GABBR1: variants seen among roughly 807,000 people sequenced by gnomAD.
The protein encoded by GABBR1 is GABA-B receptor, R1 subunit.
A neutral mutation model predicts 117.7 loss-of-function variants in GABBR1; 35 were observed. The ratio of observed to expected loss-of-function variants is 0.30; its 90% CI spans 0.23 to 0.39. The LOEUF (loss-of-function observed/expected upper bound fraction) is 0.39. Ranked by LOEUF, GABBR1 falls within the 10% of genes least tolerant of loss-of-function variation. The probability of loss-of-function intolerance (pLI) is 1.00; values close to 1 mark genes in which losing one functional copy is unlikely to be tolerated. For synonymous variants in GABBR1, 442 were observed against 486.6 expected, an observed-to-expected ratio of 0.91 and a Z score of 1.21; for missense variants, 709 against 1,241.8, an observed-to-expected ratio of 0.57 and a Z score of 6.45.
At chr6:29,628,282 GACGGGGCGTGCCAGGAGGGCGGGGT>G in intron 5 of GABBR1, 1 of 309,690 alleles carries the variant, frequency 3.2e-6, no homozygotes, top group Non-Finnish European at 4.7e-6. Flanking sequence ...GAGAAATGGG[GACGGGGCGTGCCAGGAGGGCGGGGT>G]GGGCGGAGGG....
intron 11 of GABBR1, among the ~76,000 whole-genome samples, chr6:29,614,989 A>AG (rs1252300106): frequency 7.4e-6 from 1 of 135,242 alleles, no homozygotes; most frequent in African/African-American, 2.6e-5. Flanking sequence ...CTCAAAAAAA[A>AG]AAAAAAAAAA....
Position 29,623,814 on chromosome 6 carries a change from C to G in GABBR1, c.792+76G>C. ...CTCCACACTCCTTTTCAATACAAAC[C>G]CACAATCGCCATCGTCCCTTCAGTA... On this transcript the variant is annotated intron_variant, in intron 7 of 22. Coordinates refer to ENST00000377034, the MANE Select transcript of GABBR1 (RefSeq NM_001470.4). This position sits in a 1 kb window ranked among gnomAD's most constrained non-coding sequence, Gnocchi z 6.2. 6.6e-7 allele frequency: 1 copy of G among 1,513,100 alleles called. No individual in the cohort carries two copies. Among genetic ancestry groups the G allele is most frequent in the East Asian group, 2.3e-5 (1 of 43,986 alleles). The allele number at this position is 1,513,100 out of a possible 1,614,324, so 93.7% of individuals were successfully genotyped here. A position where few individuals can be genotyped will look rare whatever the true frequency, so the allele number is the denominator to read the frequency against.
rs1315224410 is a variant in GABBR1, at chr6:29,627,822, G to C, written c.497-176C>G. On this transcript the variant is annotated intron_variant, in intron 5 of 22. Coordinates refer to ENST00000377034, the MANE Select transcript of GABBR1 (RefSeq NM_001470.4). The surrounding 1 kb of genome is among the most constrained non-coding windows in gnomAD (Gnocchi z 4.4). ...GGGGGGCAGGGGTAGCTGTTGGGGA[G>C]CGTTAGGAGCTCAGGGGGGACACTT... is the stretch of plus-strand genomic sequence containing the variant. 1 of 1,421,766 alleles carries C rather than the reference G, an allele frequency of 7.0e-7. No homozygotes were observed. The highest frequency in any genetic ancestry group is 9.2e-7 in the Non-Finnish European group (1 of 1,090,646). The allele number at this position is 1,421,766 out of a possible 1,614,324, so 88.1% of individuals were successfully genotyped here. A position where few individuals can be genotyped will look rare whatever the true frequency, so the allele number is the denominator to read the frequency against.
chr6:29,626,325 C>T (rs1764268253), intron 6 of GABBR1, among the ~76,000 whole-genome samples: 1 of 152,114 alleles, frequency 6.6e-6, no homozygotes, highest in Admixed American at 6.5e-5. Flanking sequence ...TGGATCACCC[C>T]AAGGTTGATA....
chr6:29,608,108 C>T (rs1762143999), intron 16 of GABBR1, among the ~76,000 whole-genome samples: 1 of 152,212 alleles, frequency 6.6e-6, no homozygotes, highest in Non-Finnish European at 1.5e-5. Context: ...TGGCCTCTCC[C>T]CACAGCACTA....
rs566175816 is a variant in GABBR1, at chr6:29,627,134, C to A, written c.657+352G>T. Among the ~76,000 whole-genome samples the A allele has an allele frequency of 2.6e-5, 4 of 152,308 alleles. No individual in the cohort carries two copies. The South Asian group carries it at 8.3e-4, about 32-fold the overall frequency. ...CCTCTGACATTCCCTCCACCCCCAA[C>A]CCATTCCAGGGTTAGTTTACTCCCT... is the stretch of plus-strand genomic sequence containing the variant. On this transcript the variant is annotated intron_variant, in intron 6 of 22. Transcript: ENST00000377034. This position sits in a 1 kb window ranked among gnomAD's most constrained non-coding sequence, Gnocchi z 4.4.
In GABBR1 at chr6:29,627,873, T is replaced by G; in HGVS notation, c.497-227A>C. On this transcript the variant is annotated intron_variant, in intron 5 of 22. Transcript: ENST00000377034. The surrounding 1 kb of genome is among the most constrained non-coding windows in gnomAD (Gnocchi z 4.4). ...TTCCTGGGGAGGGCTGCTAAGAGGG[T>G]GCCGGGGAGGCGCCTCCATCCCTGA... 1 of 1,363,750 alleles carries G rather than the reference T, an allele frequency of 7.3e-7. No individual in the cohort carries two copies. The highest frequency in any genetic ancestry group is 9.4e-7 in the Non-Finnish European group (1 of 1,066,376). The allele number at this position is 1,363,750 out of a possible 1,614,324, so 84.5% of individuals were successfully genotyped here.
intron 11 of GABBR1, among the ~76,000 whole-genome samples, chr6:29,617,588 C>T (rs1437941350): frequency 6.6e-6 from 1 of 152,178 alleles, no homozygotes; most frequent in Non-Finnish European, 1.5e-5. Context: ...GCGTGAGCCA[C>T]CGCGCCCAGC....
intron 11 of GABBR1, among the ~76,000 whole-genome samples, chr6:29,617,049 T>C (rs940344196): frequency 1.3e-5 from 2 of 151,058 alleles, no homozygotes; most frequent in Admixed American, 1.3e-4. Context: ...ATTCTAATCA[T>C]TTTACCTGCT....
At position 29,623,085 on chromosome 6, in the gene GABBR1, AG is replaced by A. The variant is rs1449072635; in HGVS notation, c.963+219del. Among the ~76,000 whole-genome samples, 1 of 152,140 alleles carries A rather than the reference AG, an allele frequency of 6.6e-6. No homozygotes were observed. Among genetic ancestry groups the A allele is most frequent in the Non-Finnish European group, 1.5e-5 (1 of 68,016 alleles). On this transcript the variant is annotated intron_variant, in intron 8 of 22. Coordinates refer to ENST00000377034, the MANE Select transcript of GABBR1 (RefSeq NM_001470.4). This position sits in a 1 kb window ranked among gnomAD's most constrained non-coding sequence, Gnocchi z 6.2. ...ATGTCTGGGGAACAGGGCATCAAACAGGGGAAAAAAATCATAAAATCATAAA... is the reference window on the plus strand; with the variant it reads ...ATGTCTGGGGAACAGGGCATCAAACAGGGAAAAAAATCATAAAATCATAAA...
chr6:29,605,251 T>C lies in GABBR1; in HGVS notation c.2440-263A>G. The C allele has an allele frequency of 1.8e-6, 1 of 554,742 alleles. No homozygotes were observed. The highest frequency in any genetic ancestry group is 3.1e-6 in the Non-Finnish European group (1 of 319,248). 34.4% of individuals were successfully genotyped at this position (554,742 alleles called of 1,614,324 possible). A position where few individuals can be genotyped will look rare whatever the true frequency, so the allele number is the denominator to read the frequency against. On this transcript the variant is annotated intron_variant, in intron 20 of 22. Coordinates refer to ENST00000377034, the MANE Select transcript of GABBR1 (RefSeq NM_001470.4). This position sits in a 1 kb window ranked among gnomAD's most constrained non-coding sequence, Gnocchi z 4.2. ...TGCACAGATTCCGGGTCCTCCAGAG[T>C]CGGTCCCTGGCAGGAAATGTCAATA...
Position 29,623,774 on chromosome 6 carries a change from T to G in GABBR1, c.792+116A>C. On this transcript the variant is annotated intron_variant, in intron 7 of 22. Coordinates refer to ENST00000377034, the MANE Select transcript of GABBR1 (RefSeq NM_001470.4). This position sits in a 1 kb window ranked among gnomAD's most constrained non-coding sequence, Gnocchi z 6.2. ...GCTCAGGTCTGCAGAGGACTCTGAA[T>G]CTTAGTAGCAGGTCCTCCACACTCC... The G allele has an allele frequency of 7.9e-7, 1 of 1,258,100 alleles. No homozygotes were observed. The highest frequency in any genetic ancestry group is 1.1e-6 in the Non-Finnish European group (1 of 904,272). The allele number at this position is 1,258,100 out of a possible 1,614,324, so 77.9% of individuals were successfully genotyped here. A position where few individuals can be genotyped will look rare whatever the true frequency, so the allele number is the denominator to read the frequency against.
chr6:29,608,315 C>A, intron 16 of GABBR1: 2 of 324,652 alleles, frequency 6.2e-6, no homozygotes, highest in Non-Finnish European at 1.1e-5. Flanking sequence ...GACCTTTGAG[C>A]AGATCCCCTT....
chr6:29,625,666 C>A (rs1764199033), intron 6 of GABBR1, among the ~76,000 whole-genome samples: 1 of 152,270 alleles, frequency 6.6e-6, no homozygotes, highest in African/African-American at 2.4e-5. Context: ...CGCTTGATGC[C>A]TCTGATGTTC....
rs143545412 is a variant in GABBR1, at chr6:29,608,558, G to C, written c.1992+43C>G. ...ATGGAAGGTGCTCCTGAGACGGGTG[G>C]GAGAGTCACATCCTGTAAGGAATTT... On this transcript the variant is annotated intron_variant, in intron 16 of 22. Coordinates refer to ENST00000377034, the MANE Select transcript of GABBR1 (RefSeq NM_001470.4). 41 of 1,597,110 alleles carry C rather than the reference G, an allele frequency of 2.6e-5. No homozygotes were observed. In the African/African-American group the frequency reaches 4.0e-4, roughly 16 times the overall value.
chr6:29,630,308 T>C lies in GABBR1; in HGVS notation c.475+150A>G, dbSNP rs549633633. The C allele has an allele frequency of 1.2e-4, 76 of 648,988 alleles. No individual in the cohort carries two copies. The highest frequency in any genetic ancestry group is 1.8e-4 in the Non-Finnish European group (71 of 383,978). 40.2% of individuals were successfully genotyped at this position (648,988 alleles called of 1,614,324 possible). On this transcript the variant is annotated intron_variant, in intron 4 of 22. Transcript: ENST00000377034. The surrounding 1 kb of genome is among the most constrained non-coding windows in gnomAD (Gnocchi z 4.9). ...GCAAGAGGAAGTTTGAGGCAGGTGA[T>C]GGAGGAAAAAGGGACTTTCATCTCC...
intron 11 of GABBR1, among the ~76,000 whole-genome samples, chr6:29,619,801 C>T (rs1763567830): frequency 6.6e-6 from 1 of 152,220 alleles, no homozygotes; most frequent in African/African-American, 2.4e-5. Context: ...GGATGACTCA[C>T]CTCTTGGGTA....
At chr6:29,618,807 C>A (rs896766529) in intron 11 of GABBR1, among the ~76,000 whole-genome samples, 1 of 152,198 alleles carries the variant, frequency 6.6e-6, no homozygotes, top group Admixed American at 6.5e-5. Context: ...CAAGATAATT[C>A]TTTGTTGCCA....
Position 29,632,805 on chromosome 6 carries a change from G to T in GABBR1, c.-1+45C>A. 1 of 669,070 alleles carries T rather than the reference G, an allele frequency of 1.5e-6. No homozygotes were observed. The highest frequency in any genetic ancestry group is 1.9e-6 in the Non-Finnish European group (1 of 515,058). The allele number at this position is 669,070 out of a possible 1,614,324, so 41.4% of individuals were successfully genotyped here. On this transcript the variant is annotated intron_variant, in intron 1 of 22. Coordinates refer to ENST00000377034, the MANE Select transcript of GABBR1 (RefSeq NM_001470.4). This position sits in a 1 kb window ranked among gnomAD's most constrained non-coding sequence, Gnocchi z 5.8. The stretch of plus-strand genomic sequence containing the variant: ...ACTGCCCCCTCCCCCACCACGCCGC[G>T]CGCCCCCTCTCCGAGCCCTGCTAAC...
Sources: gnomAD v4.1 joint callset for allele counts (sites outside exome capture counted in the v4.1 genomes callset) on GRCh38, gnomAD v4.1.1 for gene constraint, Gnocchi (gnomAD v3.1) non-coding constraint, MANE v1.5 for transcripts, NCBI Gene and HGNC (gene_info 2026-07-23, HGNC 2026-07-21) for gene names.